Variants in PDE1A observed in about 807,000 individuals in gnomAD.
PDE1A encodes the protein dual specificity calcium/calmodulin-dependent 3',5'-cyclic nucleotide phosphodiesterase 1A.
A neutral mutation model predicts 61.7 loss-of-function variants in PDE1A; 35 were observed. The ratio of observed to expected loss-of-function variants is 0.57; its 90% confidence interval spans 0.43 to 0.75. PDE1A has a LOEUF of 0.75. PDE1A is among the 30% of genes least tolerant of loss of function. The pLI is 0.00. For missense variants in PDE1A, 597 were observed against 630.6 expected (o/e 0.95, Z 0.57); for synonymous variants, 232 against 213.2 (o/e 1.09, Z -0.77).
At chr2:182,152,783 T>C (rs1053651958) in intron 13 of PDE1A, among the ~76,000 whole-genome samples, 1 of 152,154 alleles carries the variant, frequency 6.6e-6, no homozygotes, top group African/African-American at 2.4e-5. Flanking sequence ...TTCGTTTACT[T>C]TGCAGTATGC....
chr2:182,428,822 C>A (rs1703772534), upstream of PDE1A, among the ~76,000 whole-genome samples: 1 of 152,088 alleles, frequency 6.6e-6, no homozygotes, highest in East Asian at 1.9e-4. Context: ...AGCCCATCAA[C>A]TTTTAAAAAT....
At chr2:182,612,329 A>T in the PDE1A span, among the ~76,000 whole-genome samples, 1 of 152,242 alleles carries the variant, frequency 6.6e-6, no homozygotes, top group South Asian at 2.1e-4. Context: ...ATAACTTTTC[A>T]TAGACTATTG....
the PDE1A span, among the ~76,000 whole-genome samples, chr2:182,701,238 T>C: frequency 6.6e-6 from 1 of 151,854 alleles, no homozygotes; most frequent in Admixed American, 6.6e-5. Context: ...GGTTTCACCG[T>C]GTTAGCCAGG....
At chr2:182,701,788 G>A in the PDE1A span, among the ~76,000 whole-genome samples, 22 of 152,140 alleles carry the variant, frequency 1.4e-4, no homozygotes, top group Non-Finnish European at 3.1e-4. Flanking sequence ...AGACATGAGA[G>A]AGGAGCTGTA....
At chr2:182,242,045 G>T in intron 2 of PDE1A, 1 of 1,295,794 alleles carries the variant, frequency 7.7e-7, no homozygotes, top group Non-Finnish European at 9.8e-7. Context: ...GGTAGAACAA[G>T]TGGAATAGGA....
chr2:182,281,372 C>T (rs1035751505), intron 1 of PDE1A, among the ~76,000 whole-genome samples: 1 of 151,770 alleles, frequency 6.6e-6, no homozygotes, highest in African/African-American at 2.4e-5. Context: ...AAGAACCTTG[C>T]CTCTCAAAGA....
In PDE1A at chr2:182,188,493, G is replaced by T. The variant is rs571251678; in HGVS notation, c.1207+486C>A. On this transcript the variant is annotated intron_variant, in intron 11 of 13. Transcript: ENST00000351439. ...AATACAGATGATAAGAATGAATGTG[G>T]TTGGGAGCATTATCATTTTGCAAAT... Among the ~76,000 whole-genome samples, 24 of 152,286 alleles carry T rather than the reference G, an allele frequency of 1.6e-4. No homozygotes were observed. In the South Asian group the frequency reaches 2.7e-3, roughly 17 times the overall value.
intron 1 of PDE1A, among the ~76,000 whole-genome samples, chr2:182,409,846 T>C (rs1702509747): frequency 6.6e-6 from 1 of 152,244 alleles, no homozygotes; most frequent in Non-Finnish European, 1.5e-5. Context: ...TGATGTTTCT[T>C]CTTTCATGAT....
chr2:182,351,643 G>GTGT (rs1698884026), intron 1 of PDE1A, among the ~76,000 whole-genome samples: 1 of 152,158 alleles, frequency 6.6e-6, no homozygotes, highest in Admixed American at 6.5e-5. Context: ...TTCAACTGAG[G>GTGT]TGTTTCAAGT....
the PDE1A span, among the ~76,000 whole-genome samples, chr2:182,665,813 A>G: frequency 6.6e-6 from 1 of 152,228 alleles, no homozygotes; most frequent in Non-Finnish European, 1.5e-5. Flanking sequence ...CATGGAATCA[A>G]CCCAAACGCC....
At chr2:182,219,464 T>C (rs909538610) in intron 7 of PDE1A, among the ~76,000 whole-genome samples, 1 of 152,050 alleles carries the variant, frequency 6.6e-6, no homozygotes, top group Non-Finnish European at 1.5e-5. Flanking sequence ...GGAAGCAAAA[T>C]CACTATGTTC....
At chr2:182,358,089 T>G (rs1167368810) in intron 1 of PDE1A, among the ~76,000 whole-genome samples, 1 of 152,184 alleles carries the variant, frequency 6.6e-6, no homozygotes, top group East Asian at 1.9e-4. Context: ...AGGCTTGTGT[T>G]TTGGGTGGAC....
the PDE1A span, among the ~76,000 whole-genome samples, chr2:182,696,636 T>G: frequency 1.3e-5 from 2 of 152,176 alleles, no homozygotes; most frequent in African/African-American, 2.4e-5. Flanking sequence ...TAATGATATG[T>G]CAATGCAGGT....
At chr2:182,369,241 C>G (rs1269842916) in intron 1 of PDE1A, among the ~76,000 whole-genome samples, 1 of 152,098 alleles carries the variant, frequency 6.6e-6, no homozygotes, top group African/African-American at 2.4e-5. Context: ...TCAGTGACTC[C>G]CTTTCCTCTT....
At chr2:182,636,029 C>T in the PDE1A span, among the ~76,000 whole-genome samples, 2 of 142,584 alleles carry the variant, frequency 1.4e-5, no homozygotes, top group African/African-American at 5.2e-5. Flanking sequence ...TATCTCGGCT[C>T]ACTGCAAGCT....
chr2:182,710,680 G>A, the PDE1A span, among the ~76,000 whole-genome samples: 2 of 152,116 alleles, frequency 1.3e-5, no homozygotes, highest in African/African-American at 4.8e-5. Context: ...GTCACAAATG[G>A]CAGGGTTTCC....
the PDE1A span, among the ~76,000 whole-genome samples, chr2:182,655,644 G>A: frequency 6.6e-6 from 1 of 152,172 alleles, no homozygotes; most frequent in African/African-American, 2.4e-5. Flanking sequence ...ATTTTGCAAG[G>A]CATTTGCCTG....
chr2:182,713,408 A>T, the PDE1A span, among the ~76,000 whole-genome samples: 1 of 152,214 alleles, frequency 6.6e-6, no homozygotes. Context: ...AGGTGGGCAG[A>T]TCACCTGAGG....
At chr2:182,185,854 A>C in intron 13 of PDE1A, 38 bp downstream of exon 13, 1 of 1,612,302 alleles carries the variant, frequency 6.2e-7, no homozygotes, top group Non-Finnish European at 8.5e-7. Flanking sequence ...AAGTGAAGAC[A>C]GAGAGAGATG....
Sources: gnomAD v4.1 joint callset for allele counts (sites outside exome capture counted in the v4.1 genomes callset) on GRCh38, gnomAD v4.1.1 for gene constraint, MANE v1.5 for transcripts, NCBI Gene and HGNC (gene_info 2026-07-23, HGNC 2026-07-21) for gene names.